Variants in TRABD2B observed in about 807,000 individuals in gnomAD.
The protein encoded by TRABD2B is metalloprotease TIKI2.
In TRABD2B, 14 loss-of-function variants were observed where a neutral mutation model predicts 40.1. That is an observed-to-expected ratio of 0.35 (90% CI 0.23 to 0.55). The LOEUF (loss-of-function observed/expected upper bound fraction) is 0.55, where lower values mean the gene tolerates loss of function less well. TRABD2B is among the 20% of genes least tolerant of loss of function. TRABD2B has a pLI of 0.90. For synonymous variants in TRABD2B, 263 were observed against 277.0 expected (o/e 0.95, Z 0.50); for missense variants, 541 against 648.6 (o/e 0.83, Z 1.80).
At chr1:47,805,664 T>G (rs557492911) in intron 2 of TRABD2B, among the ~76,000 whole-genome samples, 19 of 152,318 alleles carry the variant, frequency 1.2e-4, no homozygotes, top group African/African-American at 4.3e-4. Context: ...CGTACCATCA[T>G]TTTGCAATTT....
intron 2 of TRABD2B, among the ~76,000 whole-genome samples, chr1:47,993,831 C>G (rs1043247236): frequency 1.3e-5 from 2 of 152,194 alleles, no homozygotes; most frequent in Non-Finnish European, 2.9e-5. Context: ...CAGACTCTTA[C>G]CCCAAATTCC....
intron 6 of TRABD2B, among the ~76,000 whole-genome samples, chr1:47,767,711 G>A (rs541160682): frequency 6.6e-6 from 1 of 152,350 alleles, no homozygotes; most frequent in African/African-American, 2.4e-5. Flanking sequence ...AGGGTAGGCT[G>A]TAGAAACAGG....
rs954688358 is a variant in TRABD2B, at chr1:47,852,976, C to T, written c.667-51357G>A. On this transcript the variant is annotated intron_variant, in intron 2 of 6. Transcript: ENST00000606738. Reference sequence around the variant, plus strand: ...ATTGGGTTTAAGAGTTTCACTTCCACGGCTCCCCAAAGGCAGCCAGGGCTG... The same window carrying T: ...ATTGGGTTTAAGAGTTTCACTTCCATGGCTCCCCAAAGGCAGCCAGGGCTG... 4.7e-5 allele frequency among the ~76,000 whole-genome samples: 7 copies of T among 150,336 alleles called. No homozygotes were observed. In the South Asian group the frequency reaches 8.7e-4, roughly 19 times the overall value.
In TRABD2B at chr1:47,900,164, G is replaced by T. The variant is rs976079914; in HGVS notation, c.666+93870C>A. Among the ~76,000 whole-genome samples the T allele has an allele frequency of 6.6e-5, 10 of 152,120 alleles. No individual in the cohort carries two copies. In the East Asian group the frequency reaches 7.7e-4, roughly 12 times the overall value. On this transcript the variant is annotated intron_variant, in intron 2 of 6. Transcript: ENST00000606738. ...CTCACCTGCCAGACTGAGGGGGTGT[G>T]GGGGAGGAGGTCAGAAGAGGGTGCT...
Position 47,765,473 on chromosome 1 carries a change from G to A in TRABD2B, c.*429C>T, listed in dbSNP as rs1644290437. ...CTGCCTGCCTGCCCCTCCTGCTGAG[G>A]GCCCCACAGTCGGAGAAGCCAAACC... is the stretch of plus-strand genomic sequence containing the variant. On this transcript the variant is annotated 3_prime_UTR_variant, in exon 7 of 7. Transcript: ENST00000606738. 6.1e-6 allele frequency: 1 copy of A among 164,638 alleles called. No homozygotes were observed. The highest frequency in any genetic ancestry group is 1.3e-5 in the Non-Finnish European group (1 of 75,684). The allele number at this position is 164,638 out of a possible 1,614,324, so 10.2% of individuals were successfully genotyped here.
chr1:47,835,071 T>C (rs981746818), intron 2 of TRABD2B, among the ~76,000 whole-genome samples: 2 of 152,102 alleles, frequency 1.3e-5, no homozygotes, highest in Non-Finnish European at 2.9e-5. Context: ...ACATATAGAA[T>C]AGTAATAAAT....
At chr1:47,837,728 T>G (rs531936809) in intron 2 of TRABD2B, among the ~76,000 whole-genome samples, 12 of 152,254 alleles carry the variant, frequency 7.9e-5, no homozygotes, top group African/African-American at 2.9e-4. Context: ...CCGAGGGCAA[T>G]TATTGCACTA....
chr1:47,800,601 CTG>C (rs1644809492), intron 3 of TRABD2B, among the ~76,000 whole-genome samples: 1 of 152,216 alleles, frequency 6.6e-6, no homozygotes, highest in Non-Finnish European at 1.5e-5. Flanking sequence ...ACGCAATGTC[CTG>C]AGCAGGGAAG....
At chr1:47,797,659 C>T (rs975699762) in intron 3 of TRABD2B, among the ~76,000 whole-genome samples, 1 of 152,086 alleles carries the variant, frequency 6.6e-6, no homozygotes, top group African/African-American at 2.4e-5. Context: ...CAGCCGCTGG[C>T]CAGCATTCTC....
At chr1:47,940,098 T>A (rs1425720854) in intron 2 of TRABD2B, among the ~76,000 whole-genome samples, 1 of 152,224 alleles carries the variant, frequency 6.6e-6, no homozygotes, top group Non-Finnish European at 1.5e-5. Context: ...CTGATCACCA[T>A]GTGGTTTCCC....
At chr1:47,878,685 G>A (rs1315251563) in intron 2 of TRABD2B, among the ~76,000 whole-genome samples, 2 of 152,214 alleles carry the variant, frequency 1.3e-5, no homozygotes, top group African/African-American at 4.8e-5. Context: ...GGCCAGGAGA[G>A]CAGGTGAGCA....
At chr1:47,772,036 G>C (rs1207705655) in intron 6 of TRABD2B, among the ~76,000 whole-genome samples, 1 of 151,988 alleles carries the variant, frequency 6.6e-6, no homozygotes, top group Non-Finnish European at 1.5e-5. Flanking sequence ...GTCAGGACAG[G>C]GGCACCCACC....
chr1:47,837,750 C>T (rs746124648), intron 2 of TRABD2B, among the ~76,000 whole-genome samples: 10 of 152,188 alleles, frequency 6.6e-5, no homozygotes, highest in African/African-American at 1.4e-4. Flanking sequence ...GTTTGCACAG[C>T]GGTGCAAATA....
rs532457467 is a variant in TRABD2B, at chr1:47,785,097, G to A, written c.989-6553C>T. On this transcript the variant is annotated intron_variant, in intron 4 of 6. Coordinates refer to ENST00000606738, the MANE Select transcript of TRABD2B (RefSeq NM_001194986.2). The stretch of plus-strand genomic sequence containing the variant: ...CAAATGCACGGAGGGGAGAGGTGGT[G>A]TGGCACGTGCTGGCCAACAGCAGTT... Among the ~76,000 whole-genome samples, 4 of 152,276 alleles carry A rather than the reference G, an allele frequency of 2.6e-5. No individual in the cohort carries two copies. The South Asian group carries it at 6.2e-4, about 24-fold the overall frequency.
At chr1:47,771,697 C>G (rs1204149481) in intron 6 of TRABD2B, among the ~76,000 whole-genome samples, 6 of 152,244 alleles carry the variant, frequency 3.9e-5, no homozygotes, top group Admixed American at 2.6e-4. Flanking sequence ...CCAAGCCTGG[C>G]TCTCAGCGGT....
chr1:47,908,732 C>A (rs149999520), intron 2 of TRABD2B, among the ~76,000 whole-genome samples: 2 of 152,376 alleles, frequency 1.3e-5, no homozygotes, highest in East Asian at 3.9e-4. Context: ...ACAAGTCCCA[C>A]CAGTGTCCCA....
chr1:47,907,945 A>G (rs137973072), intron 2 of TRABD2B, among the ~76,000 whole-genome samples: 1 of 152,210 alleles, frequency 6.6e-6, no homozygotes, highest in Non-Finnish European at 1.5e-5. Context: ...GGGACTAGGT[A>G]AAGTTTTTGC....
intron 2 of TRABD2B, among the ~76,000 whole-genome samples, chr1:47,960,685 C>G (rs1458738472): frequency 6.6e-6 from 1 of 152,150 alleles, no homozygotes; most frequent in South Asian, 2.1e-4. Flanking sequence ...AGGAGAACTA[C>G]AAACCACTGC....
At chr1:47,912,737 C>T (rs545646609) in intron 2 of TRABD2B, among the ~76,000 whole-genome samples, 6 of 152,268 alleles carry the variant, frequency 3.9e-5, no homozygotes, top group South Asian at 2.1e-4. Context: ...GGGGGTCCTC[C>T]GGGGCGGCCC....
Sources: allele counts gnomAD v4.1 joint callset (sites outside exome capture counted in the v4.1 genomes callset), GRCh38; gene constraint gnomAD v4.1.1; transcripts MANE v1.5; gene names NCBI Gene and HGNC (gene_info 2026-07-23, HGNC 2026-07-21).